Variants in ADAMTSL1 observed in about 807,000 individuals in gnomAD.
ADAMTSL1 encodes ADAMTS-like protein 1.
ADAMTSL1 carries 126 observed loss-of-function variants against 201.8 expected under a neutral mutation model. That is an observed-to-expected ratio of 0.62 (90% CI 0.54 to 0.72). The LOEUF is 0.72. Among genes scored for constraint, ADAMTSL1 ranks in the 30% least tolerant of loss-of-function variants. ADAMTSL1 has a pLI of 0.00. For missense variants in ADAMTSL1, 2,679 were observed against 2,277.8 expected (o/e 1.18, Z -3.59); for synonymous variants, 1,121 against 903.4 (o/e 1.24, Z -4.32).
intron 23 of ADAMTSL1, 100 bp downstream of exon 23, chr9:18,830,077 G>T: frequency 6.9e-7 from 1 of 1,458,152 alleles, no homozygotes; most frequent in Non-Finnish European, 9.2e-7. Flanking sequence ...GCAGTCGGGG[G>T]TGGCCAACAG....
intron 1 of ADAMTSL1, among the ~76,000 whole-genome samples, chr9:17,952,233 T>A (rs2131375768): frequency 6.6e-6 from 1 of 151,540 alleles, no homozygotes; most frequent in African/African-American, 2.4e-5. Flanking sequence ...GGATTACAGG[T>A]GTGAGCCACT....
intron 2 of ADAMTSL1, among the ~76,000 whole-genome samples, chr9:18,239,474 C>G (rs577633564): frequency 1.3e-5 from 2 of 152,256 alleles, no homozygotes; most frequent in South Asian, 2.1e-4. Flanking sequence ...CACCATGGCT[C>G]ACACCTATAA....
chr9:18,638,117 G>C (rs1368909949), intron 6 of ADAMTSL1, among the ~76,000 whole-genome samples: 3 of 151,838 alleles, frequency 2.0e-5, no homozygotes, highest in African/African-American at 7.3e-5. Flanking sequence ...CTCTGTTCTG[G>C]GGCAAGGGAG....
chr9:18,034,989 C>G (rs1563961465), intron 1 of ADAMTSL1, among the ~76,000 whole-genome samples: 1 of 152,076 alleles, frequency 6.6e-6, no homozygotes, highest in Non-Finnish European at 1.5e-5. Context: ...TGTTCTAGTT[C>G]CTTCTCTGTT....
chr9:18,390,654 C>G (rs981271325), intron 2 of ADAMTSL1, among the ~76,000 whole-genome samples: 7 of 152,176 alleles, frequency 4.6e-5, no homozygotes, highest in African/African-American at 1.7e-4. Flanking sequence ...TGTTGACAAA[C>G]TCCCAAGAAG....
At chr9:18,273,459 G>A (rs1173605914) in intron 2 of ADAMTSL1, among the ~76,000 whole-genome samples, 2 of 152,206 alleles carry the variant, frequency 1.3e-5, no homozygotes, top group Non-Finnish European at 2.9e-5. Context: ...AGCCTTTTAT[G>A]TTCTCACAAA....
intron 1 of ADAMTSL1, among the ~76,000 whole-genome samples, chr9:18,500,030 T>C (rs923646240): frequency 6.6e-6 from 1 of 152,244 alleles, no homozygotes; most frequent in African/African-American, 2.4e-5. Flanking sequence ...ACATCTTTCA[T>C]GTATTTGATA....
At chr9:18,274,157 G>A (rs1045161812) in intron 2 of ADAMTSL1, among the ~76,000 whole-genome samples, 1 of 152,212 alleles carries the variant, frequency 6.6e-6, no homozygotes, top group African/African-American at 2.4e-5. Context: ...CATTCATGCA[G>A]TTTAGTCTGA....
At chr9:18,105,537 G>T (rs1430689039) in intron 1 of ADAMTSL1, among the ~76,000 whole-genome samples, 1 of 152,168 alleles carries the variant, frequency 6.6e-6, no homozygotes, top group Non-Finnish European at 1.5e-5. Flanking sequence ...TTTCTGGAGT[G>T]TTTTGGCCTA....
At chr9:18,706,247 A>G (rs917402950) in intron 13 of ADAMTSL1, among the ~76,000 whole-genome samples, 1 of 152,178 alleles carries the variant, frequency 6.6e-6, no homozygotes, top group Non-Finnish European at 1.5e-5. Context: ...CTGTCGTGGC[A>G]CTGGTGGGAG....
intron 10 of ADAMTSL1, 91 bp from the exon 11 acceptor site, chr9:18,680,221 C>T (rs1830379135): frequency 1.5e-6 from 2 of 1,316,804 alleles, no homozygotes; most frequent in African/African-American, 2.9e-5. Context: ...CTGATTATAC[C>T]AATAGACATG....
intron 2 of ADAMTSL1, among the ~76,000 whole-genome samples, chr9:18,340,582 C>T (rs551449860): frequency 6.6e-6 from 1 of 152,250 alleles, no homozygotes; most frequent in African/African-American, 2.4e-5. Context: ...CCAACTCTCA[C>T]CTTTAATTGT....
At chr9:18,015,662 C>T (rs768946296) in intron 1 of ADAMTSL1, among the ~76,000 whole-genome samples, 3 of 152,098 alleles carry the variant, frequency 2.0e-5, no homozygotes, top group African/African-American at 4.8e-5. Flanking sequence ...TAATGTCCTG[C>T]GCTTATTAAG....
intron 1 of ADAMTSL1, among the ~76,000 whole-genome samples, chr9:17,992,844 G>A (rs1010442913): frequency 2.0e-5 from 3 of 152,146 alleles, no homozygotes; most frequent in Admixed American, 6.6e-5. Context: ...TCAAACCCAG[G>A]TTTCTGTAAT....
intron 1 of ADAMTSL1, among the ~76,000 whole-genome samples, chr9:18,490,198 C>G (rs1370983133): frequency 1.3e-5 from 2 of 152,152 alleles, no homozygotes; most frequent in African/African-American, 2.4e-5. Context: ...TGGAAGCAGG[C>G]TGGGGTCCCA....
chr9:18,814,430 A>G (rs1823706729), intron 20 of ADAMTSL1, among the ~76,000 whole-genome samples: 1 of 152,366 alleles, frequency 6.6e-6, no homozygotes, highest in Middle Eastern at 3.4e-3. Context: ...TAAAAAGACA[A>G]TCTACAGAAT....
Position 18,574,198 on chromosome 9 carries a change from C to G in ADAMTSL1, c.406C>G (p.Pro136Ala). ...KGTTLVVELA[P>A]KVLDGTRCYT... ...AACAACCCTGGTTGTTGAACTAGCACCTAAGGTCTTAGATGGTACGCGTTG... is the reference window on the plus strand; with the variant it reads ...AACAACCCTGGTTGTTGAACTAGCAGCTAAGGTCTTAGATGGTACGCGTTG... Residue 136 changes from proline (P) to alanine (A), a missense_variant, in exon 4 of 29, where the codon CCT (proline) becomes GCT (alanine). Coordinates refer to ENST00000380548, the MANE Select transcript of ADAMTSL1 (RefSeq NM_001040272.6). 6.2e-7 allele frequency: 1 copy of G among 1,614,130 alleles called. No homozygotes were observed. The highest frequency in any genetic ancestry group is 1.1e-5 in the South Asian group (1 of 91,072).
intron 1 of ADAMTSL1, among the ~76,000 whole-genome samples, chr9:18,011,473 G>A (rs572296230): frequency 6.6e-6 from 1 of 151,964 alleles, no homozygotes; most frequent in African/African-American, 2.4e-5. Flanking sequence ...ATGGAAGATG[G>A]CACGGAACCG....
rs771978915 is a variant in ADAMTSL1, at chr9:18,718,575, C to T, written c.1877-2961C>T. On this transcript the variant is annotated intron_variant, in intron 14 of 28. Coordinates refer to ENST00000380548, the MANE Select transcript of ADAMTSL1 (RefSeq NM_001040272.6). ...GTACCTCTCACGCTGTCACCGGGTT[C>T]CCGCAGCCAGTGTCACTCCCTCCGG... 56 of 438,940 alleles carry T rather than the reference C, an allele frequency of 1.3e-4. 2 individuals are homozygous for T. In the Admixed American group the frequency reaches 1.5e-3, roughly 12 times the overall value. 27.2% of individuals were successfully genotyped at this position (438,940 alleles called of 1,614,324 possible).
Sources: gnomAD v4.1 joint callset for allele counts (sites outside exome capture counted in the v4.1 genomes callset) on GRCh38, gnomAD v4.1.1 for gene constraint, MANE v1.5 for transcripts, NCBI Gene and HGNC (gene_info 2026-07-23, HGNC 2026-07-21) for gene names.